The following CNTN4 variants were observed in gnomAD, a reference collection of about 807,000 sequenced individuals.
The protein encoded by CNTN4 is contactin-4.
Under a neutral mutation model 122.5 loss-of-function variants are expected in CNTN4, and 77 were observed. That is an observed-to-expected ratio of 0.63 (90% CI 0.52 to 0.76). CNTN4 has a LOEUF of 0.76. Ranked by LOEUF, CNTN4 falls within the 30% of genes least tolerant of loss-of-function variation. CNTN4 has a pLI of 0.00. For missense variants in CNTN4, 1,256 were observed against 1,259.1 expected (o/e 1.00, Z 0.04); for synonymous variants, 512 against 447.0 (o/e 1.15, Z -1.83).
At chr3:2,930,205 C>T (rs546264133) in intron 13 of CNTN4, among the ~76,000 whole-genome samples, 3 of 152,222 alleles carry the variant, frequency 2.0e-5, no homozygotes, top group African/African-American at 4.8e-5. Flanking sequence ...CTTCAGACAG[C>T]GTTGTTTGGC....
At chr3:2,825,011 G>A (rs558580726) in intron 7 of CNTN4, among the ~76,000 whole-genome samples, 45 of 152,182 alleles carry the variant, frequency 3.0e-4, no homozygotes, top group African/African-American at 1.1e-3. Flanking sequence ...CTTTAGCTTT[G>A]ACTTTATATG....
chr3:2,882,111 C>G (rs539769491), intron 8 of CNTN4, among the ~76,000 whole-genome samples: 8 of 152,210 alleles, frequency 5.3e-5, no homozygotes, highest in East Asian at 3.9e-4. Context: ...GCCTGTAATG[C>G]CAGCAATTTA....
chr3:2,301,064 C>G (rs1236312747), intron 2 of CNTN4, among the ~76,000 whole-genome samples: 1 of 152,100 alleles, frequency 6.6e-6, no homozygotes, highest in Non-Finnish European at 1.5e-5. Flanking sequence ...CTTGCTATGT[C>G]CTTGATCCTT....
intron 3 of CNTN4, among the ~76,000 whole-genome samples, chr3:2,373,865 T>C (rs1329779460): frequency 2.0e-5 from 3 of 152,208 alleles, no homozygotes; most frequent in African/African-American, 7.2e-5. Flanking sequence ...GTAGATGCAA[T>C]TATTGGAAAT....
In CNTN4 at chr3:2,769,722, C is replaced by T. The variant is rs1456522957; in HGVS notation, c.358+24025C>T. Among the ~76,000 whole-genome samples, 10 of 152,144 alleles carry T rather than the reference C, an allele frequency of 6.6e-5. No individual in the cohort carries two copies. In the East Asian group the frequency reaches 1.9e-3, roughly 29 times the overall value. On this transcript the variant is annotated intron_variant, in intron 6 of 24. Transcript: ENST00000418658. ...CCATTAAATCCAACACTCTGTAAAC[C>T]AGGATTTTAAAAAACAACATACAGA...
chr3:2,279,194 G>T (rs1294793076), intron 2 of CNTN4, among the ~76,000 whole-genome samples: 2 of 152,036 alleles, frequency 1.3e-5, no homozygotes, highest in East Asian at 3.9e-4. Context: ...AAGGAATAAG[G>T]ATTAATAAAT....
chr3:2,112,193 T>C (rs2125140606), intron 2 of CNTN4, among the ~76,000 whole-genome samples: 1 of 152,304 alleles, frequency 6.6e-6, no homozygotes, highest in African/African-American at 2.4e-5. Flanking sequence ...CTCTCATCTG[T>C]ATTCTTTCTA....
Position 2,229,421 on chromosome 3 carries a change from A to G in CNTN4, c.-144-109757A>G, listed in dbSNP as rs1262023045. Among the ~76,000 whole-genome samples the G allele has an allele frequency of 2.0e-5, 3 of 152,164 alleles. No homozygotes were observed. The East Asian group carries it at 5.8e-4, about 29-fold the overall frequency. ...TTGATTAAATGAAATCTGTTAGGTA[A>G]AATGCATTTCAGTTCATAAAAGTCA... On this transcript the variant is annotated intron_variant, in intron 2 of 24. Coordinates refer to ENST00000418658, the MANE Select transcript of CNTN4 (RefSeq NM_175607.3).
chr3:2,915,761 G>T (rs1334035591), intron 12 of CNTN4, among the ~76,000 whole-genome samples: 2 of 152,152 alleles, frequency 1.3e-5, no homozygotes, highest in Non-Finnish European at 2.9e-5. Flanking sequence ...TATATTAATT[G>T]CAGTATTATT....
chr3:2,772,486 T>C (rs1576732419), intron 6 of CNTN4, among the ~76,000 whole-genome samples: 3 of 151,966 alleles, frequency 2.0e-5, no homozygotes, highest in African/African-American at 7.3e-5. Context: ...GATGGTGGGG[T>C]ATCATTGACT....
chr3:2,970,824 G>C (rs548099218), intron 13 of CNTN4, among the ~76,000 whole-genome samples: 30 of 152,124 alleles, frequency 2.0e-4, no homozygotes, highest in African/African-American at 6.7e-4. Flanking sequence ...TTCTCACTCT[G>C]TTGCCCAGGC....
intron 6 of CNTN4, among the ~76,000 whole-genome samples, chr3:2,778,734 A>G (rs1250795702): frequency 2.0e-5 from 3 of 152,166 alleles, no homozygotes. Flanking sequence ...GTTCAGCATA[A>G]TGGGGGAGAG....
At chr3:2,899,192 T>C (rs950630707) in intron 10 of CNTN4, among the ~76,000 whole-genome samples, 2 of 152,188 alleles carry the variant, frequency 1.3e-5, no homozygotes, top group African/African-American at 4.8e-5. Flanking sequence ...GCTGGTTAAG[T>C]GATTTGTTGA....
intron 3 of CNTN4, among the ~76,000 whole-genome samples, chr3:2,381,380 C>T (rs1337867349): frequency 1.3e-5 from 2 of 152,124 alleles, no homozygotes; most frequent in African/African-American, 4.8e-5. Flanking sequence ...CCTACATTTC[C>T]CCCTTAGAAC....
chr3:2,369,075 C>T (rs1228616986), intron 3 of CNTN4, among the ~76,000 whole-genome samples: 1 of 152,114 alleles, frequency 6.6e-6, no homozygotes, highest in Non-Finnish European at 1.5e-5. Context: ...AGGCACCTGC[C>T]ACCATGCCCG....
chr3:2,819,612 T>C (rs763834252), intron 7 of CNTN4, 31 bp downstream of exon 7: 3 of 1,366,080 alleles, frequency 2.2e-6, no homozygotes, highest in South Asian at 2.3e-5. Flanking sequence ...ATATGCATGC[T>C]TCACTCTCTG....
At chr3:2,417,266 T>C (rs2047450808) in intron 3 of CNTN4, among the ~76,000 whole-genome samples, 1 of 152,220 alleles carries the variant, frequency 6.6e-6, no homozygotes, top group South Asian at 2.1e-4. Flanking sequence ...TGTATCATCG[T>C]AGACAGTTGG....
chr3:2,925,536 C>A, intron 12 of CNTN4, 93 bp from the exon 13 acceptor site: 2 of 1,389,570 alleles, frequency 1.4e-6, no homozygotes, highest in Non-Finnish European at 1.0e-6. Flanking sequence ...CAGAGCAAGA[C>A]TCTGTCTCAA....
At chr3:2,777,817 GT>G (rs2091388203) in intron 6 of CNTN4, among the ~76,000 whole-genome samples, 1 of 152,128 alleles carries the variant, frequency 6.6e-6, no homozygotes, top group African/African-American at 2.4e-5. Context: ...CTCTGTGAAA[GT>G]TTTTAAAAGA....
Sources: allele counts gnomAD v4.1 joint callset (sites outside exome capture counted in the v4.1 genomes callset), GRCh38; gene constraint gnomAD v4.1.1; transcripts MANE v1.5; gene names NCBI Gene and HGNC (gene_info 2026-07-23, HGNC 2026-07-21).